TRAF1: variants seen among roughly 807,000 people sequenced by gnomAD.
TRAF1 encodes the protein TNF receptor associated factor 1.
TRAF1 carries 23 observed loss-of-function variants against 40.9 expected under a neutral mutation model. The ratio of observed to expected loss-of-function variants is 0.56; its 90% CI spans 0.40 to 0.80. The LOEUF is 0.80. TRAF1 is among the 30% of genes least tolerant of loss of function. The pLI is 0.00. For synonymous variants in TRAF1, 206 were observed against 218.8 expected (o/e 0.94, Z 0.52); for missense variants, 477 against 528.7 (o/e 0.90, Z 0.96).
chr9:120,916,319 G>C (rs2046569150), intron 3 of TRAF1, among the ~76,000 whole-genome samples: 1 of 152,056 alleles, frequency 6.6e-6, no homozygotes, highest in Non-Finnish European at 1.5e-5. Flanking sequence ...GACTATGCAG[G>C]GACACAAAGC....
At chr9:120,906,156 T>C (rs371141741) in intron 7 of TRAF1, among the ~76,000 whole-genome samples, 4 of 149,834 alleles carry the variant, frequency 2.7e-5, no homozygotes, top group African/African-American at 9.8e-5. Context: ...CAAACCCCTC[T>C]ATAAGAATTA....
rs1056640339 is a variant in TRAF1 at position 120,902,522 on chromosome 9, G to C, written c.*2498C>G. ...GGCAGGGCGGGGGGTGGGGGGGGGG[G>C]CGGTGGGCACTGCTGCATCTGATGC... On this transcript the variant is annotated 3_prime_UTR_variant, in exon 8 of 8. Coordinates refer to ENST00000373887, the MANE Select transcript of TRAF1 (RefSeq NM_005658.5). 15 of 131,912 alleles carry C rather than the reference G, an allele frequency of 1.1e-4. No individual in the cohort carries two copies. The highest frequency in any genetic ancestry group is 4.4e-4 in the African/African-American group (15 of 33,814). The allele number at this position is 131,912 out of a possible 1,614,324, so 8.2% of individuals were successfully genotyped here.
upstream of TRAF1, chr9:120,927,458 C>G (rs2046648469): frequency 6.6e-6 from 1 of 152,122 alleles, no homozygotes; most frequent in Non-Finnish European, 1.5e-5. Flanking sequence ...ACCTATTTCA[C>G]CCATTTGTTG....
rs2046545960 is a variant in TRAF1, at chr9:120,913,549, C to G, written c.484G>C (p.Val162Leu). The G allele has an allele frequency of 6.2e-7, 1 of 1,613,394 alleles. No individual in the cohort carries two copies. Among genetic ancestry groups the G allele is most frequent in the Admixed American group, 1.7e-5 (1 of 59,970 alleles). ...GAGCAGGGTGCCCGGTAGCAATCGA[C>G]CTCCAGGTCCCCCGCCACTTCCACG... The part of the protein sequence containing the change: ...AAVEVAGDLE[V>L]DCYRAPCSES... The change falls in exon 5 of 8, where the codon GTC becomes CTC. Residue 162 changes from valine to leucine, a missense_variant. By Grantham distance (32) the Val-to-Leu change is conservative. Transcript: ENST00000373887.
At chr9:120,905,928 C>T (rs2046477607) in intron 7 of TRAF1, among the ~76,000 whole-genome samples, 1 of 152,194 alleles carries the variant, frequency 6.6e-6, no homozygotes, top group Non-Finnish European at 1.5e-5. Context: ...GATGCTCAGG[C>T]CTTATCACTT....
Position 120,913,315 on chromosome 9 carries a change from C to G in TRAF1, c.705+13G>C, listed in dbSNP as rs2046542524. On this transcript the variant is annotated intron_variant, in intron 5 of 7. Coordinates refer to ENST00000373887, the MANE Select transcript of TRAF1 (RefSeq NM_005658.5). ...CAGCCGGGCTTGAAGGCAAACCTGC[C>G]TCCCACACTCACCCTCTGCTCCAAG... 2 of 1,586,284 alleles carry G rather than the reference C, an allele frequency of 1.3e-6. No homozygotes were observed. The highest frequency in any genetic ancestry group is 4.5e-5 in the East Asian group (2 of 44,536).
At chr9:120,916,287 A>C (rs2046568960) in intron 3 of TRAF1, among the ~76,000 whole-genome samples, 1 of 152,134 alleles carries the variant, frequency 6.6e-6, no homozygotes. Context: ...TGCCTCCTGG[A>C]GCTGTGGGTG....
At chr9:120,926,346 A>G in intron 1 of TRAF1, 45 bp from the exon 2 acceptor site, 1 of 297,062 alleles carries the variant, frequency 3.4e-6, no homozygotes, top group South Asian at 1.3e-4. Context: ...AGAGTGAGAA[A>G]AAGCAAGAGA....
intron 3 of TRAF1, among the ~76,000 whole-genome samples, chr9:120,921,842 GAGA>G (rs1248491825): frequency 1.3e-5 from 2 of 152,206 alleles, no homozygotes; most frequent in Admixed American, 1.3e-4. Context: ...TCAGAGAAAG[GAGA>G]AGGAGGTGTG....
intron 4 of TRAF1, among the ~76,000 whole-genome samples, chr9:120,913,993 T>C (rs924581548): frequency 1.3e-5 from 2 of 152,010 alleles, no homozygotes; most frequent in African/African-American, 2.4e-5. Context: ...GAGAGGGGCA[T>C]TGGGGGTGGG....
Position 120,911,451 on chromosome 9 carries a change from G to A in TRAF1, c.768C>T (p.Ser256=). The change falls in exon 6 of 8, where the codon AGC becomes AGT. Residue 256 remains serine (S), a synonymous_variant. Transcript: ENST00000373887. The part of the protein sequence containing the change: ...KDQALGKLEQ[S]LRLMEEASFD... ...AGGAGGCCTCCTCCATGAGGCGCAA[G>A]CTCTGCTCCAGCTTGCCCAGGGCCT... 1.2e-6 allele frequency: 2 copies of A among 1,613,550 alleles called. No individual in the cohort carries two copies. The highest frequency in any genetic ancestry group is 1.7e-6 in the Non-Finnish European group (2 of 1,180,028).
chr9:120,927,918 C>T (rs2046651553), upstream of TRAF1: 1 of 152,346 alleles, frequency 6.6e-6, no homozygotes. Context: ...AAACAGGCAC[C>T]CAAGACTTCT....
intron 4 of TRAF1, 73 bp from the exon 5 acceptor site, chr9:120,913,811 T>C: frequency 6.9e-7 from 1 of 1,451,700 alleles, no homozygotes; most frequent in Non-Finnish European, 9.2e-7. Flanking sequence ...AGTGCCCTGC[T>C]ATCAAAGGTC....
intron 5 of TRAF1, among the ~76,000 whole-genome samples, chr9:120,912,973 T>C (rs567231248): frequency 1.3e-5 from 2 of 152,336 alleles, no homozygotes; most frequent in Admixed American, 6.5e-5. Context: ...TTGTGGGCTC[T>C]GAGGGGCAGG....
At chr9:120,907,506 T>C (rs2046492011) in intron 7 of TRAF1, among the ~76,000 whole-genome samples, 1 of 152,224 alleles carries the variant, frequency 6.6e-6, no homozygotes, top group Non-Finnish European at 1.5e-5. Flanking sequence ...CAACTGGCTA[T>C]ATCGTTTGGT....
At chr9:120,919,535 C>A (rs2046591314) in intron 3 of TRAF1, among the ~76,000 whole-genome samples, 1 of 152,222 alleles carries the variant, frequency 6.6e-6, no homozygotes, top group South Asian at 2.1e-4. Context: ...TGCCTACCCC[C>A]ACACTGGGCT....
chr9:120,905,269 C>A lies in TRAF1; in HGVS notation c.1033-31G>T, dbSNP rs368997058. ...GGGAAGGGATAGGTGGGAGATCAGG[C>A]CCTACAGCAGCAGCGCAGCTTGGAG... On this transcript the variant is annotated intron_variant, in intron 7 of 7. Transcript: ENST00000373887. The A allele has an allele frequency of 1.9e-6, 3 of 1,574,370 alleles. No individual in the cohort carries two copies. The African/African-American group carries it at 4.1e-5, about 21-fold the overall frequency.
At chr9:120,914,142 G>A (rs1049014324) in intron 4 of TRAF1, 93 bp downstream of exon 4, 3 of 1,120,606 alleles carry the variant, frequency 2.7e-6, no homozygotes, top group Non-Finnish European at 3.6e-6. Flanking sequence ...GTGGACTGAT[G>A]TTACGGGAAA....
At chr9:120,914,655 G>T in intron 3 of TRAF1, 2 of 885,050 alleles carry the variant, frequency 2.3e-6, no homozygotes, top group East Asian at 9.7e-5. Flanking sequence ...GCAGTGCCTG[G>T]CACAGCTGAG....
Sources: gnomAD v4.1 joint callset for allele counts (sites outside exome capture counted in the v4.1 genomes callset) on GRCh38, gnomAD v4.1.1 for gene constraint, MANE v1.5 for transcripts, NCBI Gene and HGNC (gene_info 2026-07-23, HGNC 2026-07-21) for gene names.